The following COBL variants were observed in gnomAD, a reference collection of about 807,000 sequenced individuals.
The protein encoded by COBL is cordon-bleu WH2 repeat protein.
COBL carries 51 observed loss-of-function variants against 98.8 expected under a neutral mutation model. The ratio of observed to expected loss-of-function variants is 0.52; its 90% CI spans 0.41 to 0.65. The LOEUF is 0.65. Among genes scored for constraint, COBL ranks in the 30% least tolerant of loss-of-function variants. The pLI, the probability that COBL is intolerant of heterozygous loss-of-function variation, is 0.00. For missense variants in COBL, 1,617 were observed against 1,617.5 expected (o/e 1.00, Z 0.01); for synonymous variants, 634 against 651.7 (o/e 0.97, Z 0.41).
intron 12 of COBL, among the ~76,000 whole-genome samples, chr7:51,017,787 G>A (rs185775699): frequency 1.2e-3 from 178 of 152,272 alleles, no homozygotes; most frequent in Non-Finnish European, 1.9e-3. Context: ...AGGGAAGGAC[G>A]ACTAGCAGGA....
In COBL at chr7:51,025,222, CAG is replaced by C. The variant is rs1787419839; in HGVS notation, c.3653_3654del (p.Ser1218CysfsTer69). 1 of 1,539,020 alleles carries C rather than the reference CAG, an allele frequency of 6.5e-7. No homozygotes were observed. The highest frequency in any genetic ancestry group is 8.8e-7 in the Non-Finnish European group (1 of 1,131,738). On this transcript the variant is annotated frameshift_variant, in exon 12 of 13. Transcript: ENST00000265136. LOFTEE classifies it high-confidence loss of function. ...CTGAACCTGGAGGCCGTCCTTGGTG[CAG>C]AGAGAGCCTGGGAGGGTGGAGGGGG... is the stretch of plus-strand genomic sequence containing the variant. ...PPPPPPSQAL[S>X]APRTASRFST...
chr7:51,056,207 T>A, intron 7 of COBL, among the ~76,000 whole-genome samples: 2 of 97,674 alleles, frequency 2.0e-5, no homozygotes, highest in Non-Finnish European at 3.7e-5. Flanking sequence ...AAAGAAACAA[T>A]ATGGGGGGGT....
At chr7:51,059,355 A>T (rs1241983598) in intron 7 of COBL, among the ~76,000 whole-genome samples, 2 of 152,126 alleles carry the variant, frequency 1.3e-5, no homozygotes, top group Non-Finnish European at 2.9e-5. Flanking sequence ...TTCATTATCT[A>T]TTGTTCTGCA....
intron 1 of COBL, among the ~76,000 whole-genome samples, chr7:51,301,709 G>T (rs1584446967): frequency 6.6e-6 from 1 of 152,184 alleles, no homozygotes; most frequent in East Asian, 1.9e-4. Flanking sequence ...ACCGCTACGT[G>T]GTTCCAAGCC....
intron 7 of COBL, among the ~76,000 whole-genome samples, chr7:51,082,154 A>G (rs1036666440): frequency 1.3e-5 from 2 of 152,170 alleles, no homozygotes; most frequent in Non-Finnish European, 2.9e-5. Flanking sequence ...AAAAAGATAA[A>G]GCAGTCCAGT....
chr7:51,201,303 T>G (rs1375565067), intron 2 of COBL, among the ~76,000 whole-genome samples: 1 of 151,556 alleles, frequency 6.6e-6, no homozygotes, highest in Admixed American at 6.6e-5. Flanking sequence ...GTAGCTATAT[T>G]GTCATTAAAT....
chr7:51,088,540 T>A (rs1476671495), intron 6 of COBL, among the ~76,000 whole-genome samples: 5 of 152,220 alleles, frequency 3.3e-5, no homozygotes. Context: ...TATATCTTTT[T>A]CAAGACCACA....
rs954109501 is a variant in COBL at position 51,283,727 on chromosome 7, C to T, written c.41+32866G>A. Among the ~76,000 whole-genome samples, 10 of 152,176 alleles carry T rather than the reference C, an allele frequency of 6.6e-5. No homozygotes were observed. In the East Asian group the frequency reaches 7.7e-4, roughly 12 times the overall value. On this transcript the variant is annotated intron_variant, in intron 1 of 12. Coordinates refer to ENST00000265136, the MANE Select transcript of COBL (RefSeq NM_015198.5). ...CTCAAACACCTGACCTCAGATGATCCGCCTGCCTCGGCCTCCCAGAGTGCT... is the reference window on the plus strand; with the variant it reads ...CTCAAACACCTGACCTCAGATGATCTGCCTGCCTCGGCCTCCCAGAGTGCT...
intron 8 of COBL, among the ~76,000 whole-genome samples, chr7:51,041,478 C>T (rs1355133333): frequency 2.0e-4 from 16 of 80,036 alleles, no homozygotes; most frequent in African/African-American, 2.4e-4. Context: ...TATTTCTTTC[C>T]TTTTTTTTTT....
At chr7:51,262,299 G>T (rs1003743408) in intron 1 of COBL, among the ~76,000 whole-genome samples, 2 of 152,222 alleles carry the variant, frequency 1.3e-5, no homozygotes, top group African/African-American at 4.8e-5. Context: ...GACAGAGGAG[G>T]GGCAGACTCT....
rs562193710 is a variant in COBL, at chr7:51,026,539, C to T, written c.3504+7G>A. Reference sequence around the variant, plus strand: ...CCTGGCGCCATGGAAGGCCCTTCACCTCTTACCTTCCTCAGGCTGCAGGTG... The same window carrying T: ...CCTGGCGCCATGGAAGGCCCTTCACTTCTTACCTTCCTCAGGCTGCAGGTG... On this transcript the variant is annotated splice_region_variant and intron_variant, in intron 11 of 12. Coordinates refer to ENST00000265136, the MANE Select transcript of COBL (RefSeq NM_015198.5). The T allele has an allele frequency of 1.2e-6, 2 of 1,613,784 alleles. No individual in the cohort carries two copies. The highest frequency in any genetic ancestry group is 2.7e-5 in the African/African-American group (2 of 75,066).
chr7:51,170,636 G>A (rs801130), intron 5 of COBL, among the ~76,000 whole-genome samples: 130,873 of 150,872 alleles, frequency 0.87, 57,189 homozygotes, highest in East Asian at 0.98. Flanking sequence ...ATTTGTGTCA[G>A]CGTGGATGAA....
At chr7:51,024,965 A>T in intron 12 of COBL, 144 bp downstream of exon 12, 2 of 1,105,392 alleles carry the variant, frequency 1.8e-6, no homozygotes, top group South Asian at 1.4e-5. Flanking sequence ...CACATGTGAG[A>T]GACACAGTGA....
intron 7 of COBL, among the ~76,000 whole-genome samples, chr7:51,066,675 C>A (rs1437523105): frequency 6.6e-6 from 1 of 152,178 alleles, no homozygotes; most frequent in Non-Finnish European, 1.5e-5. Flanking sequence ...CTTTAGCCAT[C>A]ATCACTTCCT....
chr7:51,291,903 G>A (rs1303193957), intron 1 of COBL, among the ~76,000 whole-genome samples: 1 of 152,144 alleles, frequency 6.6e-6, no homozygotes, highest in Non-Finnish European at 1.5e-5. Context: ...GCTCACACCT[G>A]TAATCCCAGC....
intron 1 of COBL, among the ~76,000 whole-genome samples, chr7:51,269,827 C>T (rs1798594043): frequency 1.3e-5 from 2 of 152,200 alleles, no homozygotes; most frequent in South Asian, 2.1e-4. Flanking sequence ...CCAAGAAACC[C>T]TGGTCAAGAG....
rs1296866299 is a variant in COBL, at chr7:51,098,517, A to C, written c.958-13213T>G. Among the ~76,000 whole-genome samples the C allele has an allele frequency of 4.6e-5, 7 of 152,312 alleles. 1 individual carries two copies. Among genetic ancestry groups the C allele is most frequent in the African/African-American group, 2.4e-5 (1 of 41,566 alleles). On this transcript the variant is annotated intron_variant, in intron 6 of 12. Coordinates refer to ENST00000265136, the MANE Select transcript of COBL (RefSeq NM_015198.5). ...AAGGTGTTAACACAATGTGGAAGATAGTTTCTTCAACAAATGGTGTTTGGA... is the reference window on the plus strand; with the variant it reads ...AAGGTGTTAACACAATGTGGAAGATCGTTTCTTCAACAAATGGTGTTTGGA...
At chr7:51,278,036 G>A (rs1270992757) in intron 1 of COBL, among the ~76,000 whole-genome samples, 1 of 152,152 alleles carries the variant, frequency 6.6e-6, no homozygotes, top group Non-Finnish European at 1.5e-5. Flanking sequence ...TCAACAGCGG[G>A]CCCCTAGGGA....
intron 1 of COBL, among the ~76,000 whole-genome samples, chr7:51,286,891 A>G (rs1384066302): frequency 6.6e-6 from 1 of 152,218 alleles, no homozygotes; most frequent in Non-Finnish European, 1.5e-5. Context: ...GGATTAAAAA[A>G]ATATGGTACA....
Sources: allele counts gnomAD v4.1 joint callset (sites outside exome capture counted in the v4.1 genomes callset), GRCh38; gene constraint gnomAD v4.1.1; transcripts MANE v1.5; gene names NCBI Gene and HGNC (gene_info 2026-07-23, HGNC 2026-07-21).